SPAG17: variants seen among roughly 807,000 people sequenced by gnomAD.
SPAG17 encodes the protein sperm associated antigen 17.
Under a neutral mutation model 273.6 loss-of-function variants are expected in SPAG17, and 169 were observed. The observed-to-expected ratio is 0.62, with a 90% CI of 0.55 to 0.70. The LOEUF is 0.70. Ranked by LOEUF, SPAG17 falls within the 30% of genes least tolerant of loss-of-function variation. SPAG17 has a pLI of 0.00. For synonymous variants in SPAG17, 825 were observed against 873.2 expected (o/e 0.94, Z 0.97); for missense variants, 2,557 against 2,627.8 (o/e 0.97, Z 0.59).
intron 1 of SPAG17, among the ~76,000 whole-genome samples, chr1:118,161,577 G>A (rs1263682643): frequency 2.6e-5 from 4 of 151,970 alleles, no homozygotes; most frequent in Admixed American, 6.6e-5. Context: ...TCGCTCTGTC[G>A]CCCAGGCTGG....
rs541783600 is a variant in SPAG17 at position 118,086,693 on chromosome 1, G to C, written c.1589C>G (p.Ala530Gly). ...PLLLNYHDAH[A>G]HKKYALQDQK... The stretch of plus-strand genomic sequence containing the variant: ...TACCTGTAGTGCGTACTTCTTGTGG[G>C]CGTGTGCATCATGATAGTTCAGTAG... Residue 530 changes from alanine to glycine, a missense_variant, in exon 12 of 49, where the codon GCC becomes GGC. Coordinates refer to ENST00000336338, the MANE Select transcript of SPAG17 (RefSeq NM_206996.4). The C allele has an allele frequency of 6.2e-7, 1 of 1,614,110 alleles. No individual in the cohort carries two copies. The highest frequency in any genetic ancestry group is 1.1e-5 in the South Asian group (1 of 91,080).
chr1:117,992,572 G>C lies in SPAG17; in HGVS notation c.5255C>G (p.Ala1752Gly). Residue 1752 changes from alanine to glycine, a missense_variant, in exon 36 of 49, where the codon GCC becomes GGC. Physicochemically the swap from Ala to Gly is moderately conservative, Grantham distance 60. Transcript: ENST00000336338. ...GGGGCTCTTGAGTATGGCACCCGGGGCACTCACTAGCTGTTTGGACTCAAT... is the reference window on the plus strand; with the variant it reads ...GGGGCTCTTGAGTATGGCACCCGGGCCACTCACTAGCTGTTTGGACTCAAT... Reference protein sequence around the residue: ...LCIESKQLVSAPGAILKSPSV... With the variant: ...LCIESKQLVSGPGAILKSPSV... 6.2e-7 allele frequency: 1 copy of C among 1,613,650 alleles called. No homozygotes were observed. Among genetic ancestry groups the C allele is most frequent in the Non-Finnish European group, 8.5e-7 (1 of 1,179,826 alleles).
At chr1:118,120,174 T>C (rs893050834) in intron 3 of SPAG17, among the ~76,000 whole-genome samples, 1 of 152,206 alleles carries the variant, frequency 6.6e-6, no homozygotes, top group Non-Finnish European at 1.5e-5. Context: ...TTGATATTAG[T>C]GCTAATAGTT....
At chr1:117,980,037 G>T (rs1249346080) in intron 43 of SPAG17, among the ~76,000 whole-genome samples, 10 of 152,058 alleles carry the variant, frequency 6.6e-5, no homozygotes, top group African/African-American at 2.4e-4. Context: ...GAGGGGTCTA[G>T]CTCCATCAGA....
At chr1:117,959,079 C>G in intron 48 of SPAG17, 1 of 1,461,872 alleles carries the variant, frequency 6.8e-7, no homozygotes, top group Non-Finnish European at 9.5e-7. Context: ...GTATGCTGTG[C>G]TTTGTCTTTA....
rs538803892 is a variant in SPAG17, at chr1:118,099,502, T to A, written c.829+104A>T. 53 of 1,059,812 alleles carry A rather than the reference T, an allele frequency of 5.0e-5. No individual in the cohort carries two copies. The African/African-American group carries it at 8.2e-4, about 16-fold the overall frequency. 65.7% of individuals were successfully genotyped at this position (1,059,812 alleles called of 1,614,324 possible). Reference sequence around the variant, plus strand: ...TCAAAGTCTTGAAAAGATTTAATAATGTACTAATTGTAAGACTATGTTTTG... The same window carrying A: ...TCAAAGTCTTGAAAAGATTTAATAAAGTACTAATTGTAAGACTATGTTTTG... On this transcript the variant is annotated intron_variant, in intron 6 of 48. Coordinates refer to ENST00000336338, the MANE Select transcript of SPAG17 (RefSeq NM_206996.4).
Position 118,041,898 on chromosome 1 carries a change from A to AT in SPAG17, c.2958dup (p.Ser987IlefsTer8), listed in dbSNP as rs746345375. ...TCTTTAGATTTCTCCTTGTAAGGTG[A>AT]TTTTTTCTTCAAAGACCTACTATCC... is the stretch of plus-strand genomic sequence containing the variant. On this transcript the variant is annotated frameshift_variant, in exon 21 of 49. Coordinates refer to ENST00000336338, the MANE Select transcript of SPAG17 (RefSeq NM_206996.4). LOFTEE classifies it high-confidence loss of function. The AT allele has an allele frequency of 4.3e-6, 7 of 1,613,534 alleles. No individual in the cohort carries two copies. The African/African-American group carries it at 6.7e-5, about 15-fold the overall frequency.
At chr1:118,053,973 T>G (rs769386558) in intron 20 of SPAG17, 29 bp downstream of exon 20, 20 of 1,550,118 alleles carry the variant, frequency 1.3e-5, no homozygotes, top group Non-Finnish European at 1.8e-5. Flanking sequence ...GTTTTGCCTG[T>G]TTTTTAAACT....
chr1:118,116,846 G>A (rs1657109914), intron 3 of SPAG17, among the ~76,000 whole-genome samples: 1 of 152,222 alleles, frequency 6.6e-6, no homozygotes, highest in Admixed American at 6.5e-5. Context: ...AGGAAATACA[G>A]TGCTTTGCTT....
chr1:117,961,019 C>T (rs1246545599), intron 48 of SPAG17: 1 of 152,192 alleles, frequency 6.6e-6, no homozygotes, highest in Non-Finnish European at 1.5e-5. Flanking sequence ...TGCAGTGGCT[C>T]ACGCCTGTAA....
intron 3 of SPAG17, among the ~76,000 whole-genome samples, chr1:118,147,333 T>C (rs1374684007): frequency 2.0e-5 from 3 of 152,214 alleles, no homozygotes; most frequent in Non-Finnish European, 4.4e-5. Flanking sequence ...TATTTTCAAA[T>C]GTGTCCATAT....
chr1:118,066,777 C>A lies in SPAG17; in HGVS notation c.2508G>T (p.Trp836Cys). 6.2e-7 allele frequency: 1 copy of A among 1,612,644 alleles called. No individual in the cohort carries two copies. The highest frequency in any genetic ancestry group is 1.1e-5 in the South Asian group (1 of 90,594). The change falls in exon 18 of 49, where the codon TGG becomes TGT. Residue 836 changes from tryptophan (W) to cysteine (C), a missense_variant. Coordinates refer to ENST00000336338, the MANE Select transcript of SPAG17 (RefSeq NM_206996.4). ...MNRQRLHCEY[W>C]NIALHSNVGF... is the part of the protein sequence containing the mutation. ...CAACATTGGAGTGGAGAGCAATGTT[C>A]CAATATTCACAATGCAAACGTTGTC...
chr1:118,029,949 A>G (rs1334617601), intron 25 of SPAG17, among the ~76,000 whole-genome samples: 1 of 152,218 alleles, frequency 6.6e-6, no homozygotes, highest in African/African-American at 2.4e-5. Flanking sequence ...AATTCTGTAA[A>G]ATGAACAAAA....
At chr1:118,057,957 T>A (rs1030011831) in intron 18 of SPAG17, among the ~76,000 whole-genome samples, 1 of 151,916 alleles carries the variant, frequency 6.6e-6, no homozygotes. Flanking sequence ...GAATAGAATG[T>A]ATAACTTTTT....
chr1:118,093,275 T>C lies in SPAG17; in HGVS notation c.1054A>G (p.Met352Val), dbSNP rs763083375. The change falls in exon 8 of 49, where the codon ATG becomes GTG. Residue 352 changes from methionine to valine, a missense_variant. Met to Val is a conservative substitution (Grantham distance 21). Transcript: ENST00000336338. ...CTTTTCCAATCCAGGATGTCATACA[T>C]CAAGCAGGCAATATTTTCAAAAATA... ...TDIFENIACL[M>V]YDILDWKRQH... is the part of the protein sequence containing the mutation. The C allele has an allele frequency of 2.5e-6, 4 of 1,613,084 alleles. No homozygotes were observed. Among genetic ancestry groups the C allele is most frequent in the South Asian group, 2.2e-5 (2 of 90,938 alleles).
chr1:118,142,033 C>T (rs1658709897), intron 3 of SPAG17, among the ~76,000 whole-genome samples: 1 of 150,866 alleles, frequency 6.6e-6, no homozygotes, highest in South Asian at 2.1e-4. Flanking sequence ...AACCTCCTCA[C>T]AATGTGAACA....
intron 37 of SPAG17, among the ~76,000 whole-genome samples, 168 bp from the exon 38 acceptor site, chr1:117,991,074 A>C (rs914877010): frequency 6.6e-6 from 1 of 152,182 alleles, no homozygotes; most frequent in African/African-American, 2.4e-5. Context: ...TACTTCACTA[A>C]TGTCTAAAAA....
At chr1:117,995,300 T>A (rs972408404) in intron 34 of SPAG17, among the ~76,000 whole-genome samples, 18 of 152,240 alleles carry the variant, frequency 1.2e-4, no homozygotes, top group Admixed American at 1.1e-3. Flanking sequence ...TTATCCCAAC[T>A]TATAATCATA....
rs765930071 is a variant in SPAG17 at position 117,973,568 on chromosome 1, G to T, written c.6005-7C>A. 1.9e-6 allele frequency: 3 copies of T among 1,612,480 alleles called. No individual in the cohort carries two copies. Among genetic ancestry groups the T allele is most frequent in the Non-Finnish European group, 2.5e-6 (3 of 1,179,000 alleles). On this transcript the variant is annotated splice_region_variant and splice_polypyrimidine_tract_variant and intron_variant, in intron 43 of 48. Transcript: ENST00000336338. ...GGCTCATAAGATTCTGCTTCTGTTA[G>T]AGAGAAAGCTTAAATTATGCCACAT...
Sources: allele counts gnomAD v4.1 joint callset (sites outside exome capture counted in the v4.1 genomes callset), GRCh38; gene constraint gnomAD v4.1.1; transcripts MANE v1.5; gene names NCBI Gene and HGNC (gene_info 2026-07-23, HGNC 2026-07-21).